Variants in KCNQ2 observed in about 807,000 individuals in gnomAD.
The protein encoded by KCNQ2 is potassium voltage-gated channel subfamily KQT member 2.
KCNQ2 carries 14 observed loss-of-function variants against 84.8 expected under a neutral mutation model. The ratio of observed to expected loss-of-function variants is 0.17; its 90% confidence interval spans 0.11 to 0.26. The LOEUF (loss-of-function observed/expected upper bound fraction) is 0.26, where lower values mean the gene tolerates loss of function less well. Among genes scored for constraint, KCNQ2 ranks in the 10% least tolerant of loss-of-function variants. The pLI, the probability that KCNQ2 is intolerant of heterozygous loss-of-function variation, is 1.00. For missense variants in KCNQ2, 788 were observed against 1,254.0 expected, an observed-to-expected ratio of 0.63 and a Z score of 5.61; for synonymous variants, 599 against 554.1, an observed-to-expected ratio of 1.08 and a Z score of -1.14.
At chr20:63,444,897 C>A (rs2081367220) in intron 3 of KCNQ2, 63 bp from the exon 4 acceptor site, 2 of 1,488,094 alleles carry the variant, frequency 1.3e-6, no homozygotes, top group Admixed American at 4.4e-5. Context: ...TTGGAGAAAA[C>A]TCCCCACCCC....
At chr20:63,412,027 C>G (rs941054846) in intron 15 of KCNQ2, 2 of 593,614 alleles carry the variant, frequency 3.4e-6, no homozygotes, top group Non-Finnish European at 6.0e-6. Context: ...GTGTGGACGC[C>G]GCCTCGCTGG....
chr20:63,447,150 C>A, intron 1 of KCNQ2, among the ~76,000 whole-genome samples: 1 of 152,038 alleles, frequency 6.6e-6, no homozygotes, highest in Non-Finnish European at 1.5e-5. Flanking sequence ...TTCAGCCTGG[C>A]AGCCTCATCC....
chr20:63,442,988 AC>A (rs2081260558), intron 4 of KCNQ2, among the ~76,000 whole-genome samples: 3 of 39,460 alleles, frequency 7.6e-5, no homozygotes, highest in Admixed American at 2.7e-4. Flanking sequence ...CACCACCATT[AC>A]CATCACCATC....
At chr20:63,449,556 G>A (rs1347448935) in intron 1 of KCNQ2, among the ~76,000 whole-genome samples, 1 of 152,258 alleles carries the variant, frequency 6.6e-6, no homozygotes, top group Admixed American at 6.5e-5. Context: ...GGGAGCAGAG[G>A]TCAGCATTGG....
intron 1 of KCNQ2, among the ~76,000 whole-genome samples, chr20:63,461,919 T>A (rs1449203586): frequency 8.8e-6 from 1 of 113,542 alleles, no homozygotes; most frequent in African/African-American, 3.7e-5. Context: ...GGGAGGAGGC[T>A]GCACCTACCC....
chr20:63,469,925 G>C (rs993356814), intron 1 of KCNQ2, among the ~76,000 whole-genome samples: 5 of 152,252 alleles, frequency 3.3e-5, no homozygotes, highest in African/African-American at 9.6e-5. Flanking sequence ...GAGCCGGGCG[G>C]TGAGCTGCAC....
chr20:63,449,407 T>C (rs1286536552), intron 1 of KCNQ2: 2 of 152,274 alleles, frequency 1.3e-5, no homozygotes, highest in African/African-American at 4.8e-5. Flanking sequence ...CCACAGCTCC[T>C]CCCTGGGCAG....
rs992820925 is a variant in KCNQ2 at position 63,400,782 on chromosome 20, C to A, written c.*5862G>T. 4 of 398,386 alleles carry A rather than the reference C, an allele frequency of 1.0e-5. No individual in the cohort carries two copies. The highest frequency in any genetic ancestry group is 1.8e-5 in the Non-Finnish European group (4 of 225,982). The allele number at this position is 398,386 out of a possible 1,614,324, so 24.7% of individuals were successfully genotyped here. A position where few individuals can be genotyped will look rare whatever the true frequency, so the allele number is the denominator to read the frequency against. ...CCAGCGGGACCACCAGCTCTGGGCG[C>A]CTCAGTGCGAGACCCCTCCGTGAGA... is the stretch of plus-strand genomic sequence containing the variant. On this transcript the variant is annotated 3_prime_UTR_variant, in exon 17 of 17. Coordinates refer to ENST00000359125, the MANE Select transcript of KCNQ2 (RefSeq NM_172107.4). This position sits in a 1 kb window ranked among gnomAD's most constrained non-coding sequence, Gnocchi z 8.7.
rs1451409107 is a variant in KCNQ2 at position 63,442,782 on chromosome 20, C to CCACCAT, written c.691-257_691-252dup. Among the ~76,000 whole-genome samples, 1,447 of 30,502 alleles carry CCACCAT rather than the reference C, an allele frequency of 0.047. 10 individuals are homozygous for CCACCAT. Among genetic ancestry groups the CCACCAT allele is most frequent in the East Asian group, 0.12 (47 of 402 alleles). The allele number at this position is 30,502 out of a possible 152,430, so 20.0% of individuals were successfully genotyped here. A position where few individuals can be genotyped will look rare whatever the true frequency, so the allele number is the denominator to read the frequency against. ...ATCACCACCATCACCATCACCACCACCACCATCACCATTACCACCACCATT... is the reference window on the plus strand; with the variant it reads ...ATCACCACCATCACCATCACCACCACCACCATCACCATCACCATTACCACCACCATT... On this transcript the variant is annotated intron_variant, in intron 4 of 16. Transcript: ENST00000359125.
chr20:63,416,891 C>G (rs2080315863), intron 12 of KCNQ2, among the ~76,000 whole-genome samples: 1 of 152,202 alleles, frequency 6.6e-6, no homozygotes, highest in South Asian at 2.1e-4. Flanking sequence ...GGTGACCGCC[C>G]AGACCATCTG....
At chr20:63,422,936 G>A (rs572942997) in intron 11 of KCNQ2, among the ~76,000 whole-genome samples, 6 of 152,276 alleles carry the variant, frequency 3.9e-5, no homozygotes, top group South Asian at 2.1e-4. Context: ...CCGAGGTTCC[G>A]CCCAAATCAC....
chr20:63,472,192 C>A lies in KCNQ2; in HGVS notation c.272G>T (p.Trp91Leu). 1.3e-6 allele frequency: 2 copies of A among 1,535,228 alleles called. No individual in the cohort carries two copies. Among genetic ancestry groups the A allele is most frequent in the Non-Finnish European group, 1.8e-6 (2 of 1,142,096 alleles). Reference sequence around the variant, plus strand: ...CACGTAGGCGTGGTAGATGAACGCCCAGCCGCGCGGCCGCTCCAGCACGTT... The same window carrying A: ...CACGTAGGCGTGGTAGATGAACGCCAAGCCGCGCGGCCGCTCCAGCACGTT... The part of the protein sequence containing the change: ...LYNVLERPRG[W>L]AFIYHAYVFL... Residue 91 changes from tryptophan to leucine, a missense_variant, in exon 1 of 17, where the codon TGG becomes TTG. By Grantham distance (61) the Trp-to-Leu change is moderately conservative. Coordinates refer to ENST00000359125, the MANE Select transcript of KCNQ2 (RefSeq NM_172107.4).
intron 1 of KCNQ2, among the ~76,000 whole-genome samples, chr20:63,455,473 G>A (rs956648728): frequency 6.6e-6 from 1 of 152,190 alleles, no homozygotes; most frequent in African/African-American, 2.4e-5. Context: ...GACAGCCCCA[G>A]ATCACAAGAG....
In KCNQ2 at chr20:63,403,497, G is replaced by A. The variant is rs1419872320; in HGVS notation, c.*3147C>T. 1 of 152,292 alleles carries A rather than the reference G, an allele frequency of 6.6e-6. No homozygotes were observed. Among genetic ancestry groups the A allele is most frequent in the Non-Finnish European group, 1.5e-5 (1 of 68,234 alleles). The allele number at this position is 152,292 out of a possible 1,614,324, so 9.4% of individuals were successfully genotyped here. A position where few individuals can be genotyped will look rare whatever the true frequency, so the allele number is the denominator to read the frequency against. ...ATGTGCTGTGTGGCCTATGCACTTT[G>A]TGTGTGCATGTGTTAGTGCTGTGTG... On this transcript the variant is annotated 3_prime_UTR_variant, in exon 17 of 17. Coordinates refer to ENST00000359125, the MANE Select transcript of KCNQ2 (RefSeq NM_172107.4).
Position 63,403,059 on chromosome 20 carries a change from C to T in KCNQ2, c.*3585G>A, listed in dbSNP as rs980455388. 5 of 152,332 alleles carry T rather than the reference C, an allele frequency of 3.3e-5. No homozygotes were observed. The highest frequency in any genetic ancestry group is 3.3e-4 in the Admixed American group (5 of 15,284). 9.4% of individuals were successfully genotyped at this position (152,332 alleles called of 1,614,324 possible). A position where few individuals can be genotyped will look rare whatever the true frequency, so the allele number is the denominator to read the frequency against. ...CCATCCCAGGAGGGCCCAGCACCTC[C>T]AGGGCAGACCAAACACAGGACCCAA... is the stretch of plus-strand genomic sequence containing the variant. On this transcript the variant is annotated 3_prime_UTR_variant, in exon 17 of 17. Coordinates refer to ENST00000359125, the MANE Select transcript of KCNQ2 (RefSeq NM_172107.4).
In KCNQ2 at chr20:63,406,233, C is replaced by T. The variant is rs1226183506; in HGVS notation, c.*411G>A. The T allele has an allele frequency of 4.2e-5, 8 of 191,570 alleles. No homozygotes were observed. Among genetic ancestry groups the T allele is most frequent in the African/African-American group, 1.9e-4 (8 of 42,588 alleles). 11.9% of individuals were successfully genotyped at this position (191,570 alleles called of 1,614,324 possible). On this transcript the variant is annotated 3_prime_UTR_variant, in exon 17 of 17. Transcript: ENST00000359125. Reference sequence around the variant, plus strand: ...TCACCAAACAGGCCCGCCCTTTGCGCAGGTCCTCAGGGAACAGGCCTGCCC... The same window carrying T: ...TCACCAAACAGGCCCGCCCTTTGCGTAGGTCCTCAGGGAACAGGCCTGCCC...
intron 11 of KCNQ2, among the ~76,000 whole-genome samples, chr20:63,421,680 C>T (rs2080474369): frequency 6.6e-6 from 1 of 151,976 alleles, no homozygotes; most frequent in South Asian, 2.1e-4. Context: ...AGGGGGAGCC[C>T]GAACAGGCAC....
intron 7 of KCNQ2, among the ~76,000 whole-genome samples, chr20:63,435,556 G>C (rs2080969289): frequency 6.6e-6 from 1 of 152,210 alleles, no homozygotes; most frequent in African/African-American, 2.4e-5. Flanking sequence ...AGCAGGGTAA[G>C]GTCACTTCTG....
chr20:63,428,558 G>A (rs560222070), intron 9 of KCNQ2, 123 bp from the exon 10 acceptor site: 14 of 833,436 alleles, frequency 1.7e-5, no homozygotes, highest in East Asian at 5.4e-5. Flanking sequence ...GGCATGTGAC[G>A]TGGCCAGGCT....
Sources: gnomAD v4.1 joint callset for allele counts (sites outside exome capture counted in the v4.1 genomes callset) on GRCh38, gnomAD v4.1.1 for gene constraint, Gnocchi (gnomAD v3.1) non-coding constraint, MANE v1.5 for transcripts, NCBI Gene and HGNC (gene_info 2026-07-23, HGNC 2026-07-21) for gene names.